The following CR2 variants were observed in gnomAD, a reference collection of about 807,000 sequenced individuals.
CR2 encodes complement C3d receptor 2, also known as complement receptor type 2.
Under a neutral mutation model 123.0 loss-of-function variants are expected in CR2, and 96 were observed. That is an observed-to-expected ratio of 0.78 (90% confidence interval 0.66 to 0.93). The LOEUF is 0.93. CR2 is among the 40% of genes least tolerant of loss of function. CR2 has a pLI of 0.00. For missense variants in CR2, 1,258 were observed against 1,361.0 expected (o/e 0.92, Z 1.19); for synonymous variants, 484 against 469.5 (o/e 1.03, Z -0.40).
At chr1:207,470,699 T>G in intron 6 of CR2, 41 bp from the exon 7 acceptor site, 1 of 1,595,404 alleles carries the variant, frequency 6.3e-7, no homozygotes, top group Non-Finnish European at 8.6e-7. Context: ...CTGTGGTTGT[T>G]TACTTAAGCA....
At chr1:207,471,683 A>AGGCACG (rs1658286032) in intron 9 of CR2, among the ~76,000 whole-genome samples, 184 bp downstream of exon 9, 2 of 152,208 alleles carry the variant, frequency 1.3e-5, no homozygotes, top group Non-Finnish European at 2.9e-5. Flanking sequence ...TTCATCAATA[A>AGGCACG]CTTAAATCTA....
intron 16 of CR2, among the ~76,000 whole-genome samples, chr1:207,478,845 ATTG>A (rs1658520637): frequency 6.6e-6 from 1 of 151,932 alleles, no homozygotes; most frequent in Non-Finnish European, 1.5e-5. Flanking sequence ...AGTTGAGTAT[ATTG>A]TTTTTGTCAT....
chr1:207,470,542 AAACAACAAC>A (rs747380769), intron 6 of CR2, among the ~76,000 whole-genome samples, 189 bp from the exon 7 acceptor site: 15 of 151,954 alleles, frequency 9.9e-5, no homozygotes, highest in Admixed American at 9.8e-4. Flanking sequence ...TCTGTGCAGA[AAACAACAAC>A]AACAACAACA....
chr1:207,474,118 G>GT (rs1273253181), intron 12 of CR2, 123 bp from the exon 13 acceptor site: 1 of 978,718 alleles, frequency 1.0e-6, no homozygotes, highest in Admixed American at 1.9e-5. Context: ...AAAAAAAGTA[G>GT]TTTTTTACTA....
chr1:207,456,345 G>A (rs937349688), intron 1 of CR2, among the ~76,000 whole-genome samples: 3 of 152,246 alleles, frequency 2.0e-5, no homozygotes, highest in Middle Eastern at 3.4e-3. Context: ...GCACTTGAGT[G>A]TGCTTAATAA....
chr1:207,485,385 T>A, intron 18 of CR2, 79 bp from the exon 19 acceptor site: 1 of 891,494 alleles, frequency 1.1e-6, no homozygotes, highest in Admixed American at 1.8e-5. Context: ...TGTTGGGAAT[T>A]ATGGAAAGCA....
intron 14 of CR2, 128 bp from the exon 15 acceptor site, chr1:207,476,106 G>A (rs892200775): frequency 1.2e-6 from 1 of 812,182 alleles, no homozygotes; most frequent in African/African-American, 1.7e-5. Flanking sequence ...TGGAATGAAT[G>A]AATGTTTTTG....
Position 207,474,421 on chromosome 1 carries a change from C to T in CR2, c.2323+98C>T, listed in dbSNP as rs537589213. The stretch of plus-strand genomic sequence containing the variant: ...CTACTGCTGCTTCAGCAGTCTTAGG[C>T]GTCTCCCTCATTGGAGGTTAGATAA... On this transcript the variant is annotated intron_variant, in intron 13 of 19. Coordinates refer to ENST00000367057, the MANE Select transcript of CR2 (RefSeq NM_001006658.3). 1.8e-5 allele frequency: 16 copies of T among 905,378 alleles called. No individual in the cohort carries two copies. The Admixed American group carries it at 2.2e-4, about 12-fold the overall frequency. 56.1% of individuals were successfully genotyped at this position (905,378 alleles called of 1,614,324 possible).
intron 1 of CR2, among the ~76,000 whole-genome samples, chr1:207,464,665 A>T (rs901181377): frequency 6.6e-5 from 10 of 152,208 alleles, no homozygotes; most frequent in Non-Finnish European, 1.2e-4. Flanking sequence ...TCATTTTTTT[A>T]AAATGATACA....
rs201791442 is a variant in CR2, at chr1:207,469,707, C to T, written c.830C>T (p.Pro277Leu). Residue 277 changes from proline to leucine, a missense_variant, in exon 6 of 20, where the codon CCA (proline) becomes CTA (leucine). Coordinates refer to ENST00000367057, the MANE Select transcript of CR2 (RefSeq NM_001006658.3). ...KMPVCEEIFC[P>L]SPPPILNGRH... ...GCAATTCCCCTAGAAATTTTTTGCCCATCACCTCCCCCTATTCTCAATGGA... is the reference window on the plus strand; with the variant it reads ...GCAATTCCCCTAGAAATTTTTTGCCTATCACCTCCCCCTATTCTCAATGGA... The T allele has an allele frequency of 4.8e-5, 78 of 1,613,724 alleles. No homozygotes were observed. Among genetic ancestry groups the T allele is most frequent in the Non-Finnish European group, 6.3e-5 (74 of 1,179,796 alleles).
intron 6 of CR2, 69 bp from the exon 7 acceptor site, chr1:207,470,671 C>A (rs1658244560): frequency 6.8e-7 from 1 of 1,475,142 alleles, no homozygotes; most frequent in African/African-American, 1.4e-5. Flanking sequence ...ATATCAATTT[C>A]TTTGGCTCAG....
chr1:207,472,348 A>G (rs1291943037), intron 9 of CR2, among the ~76,000 whole-genome samples: 1 of 152,182 alleles, frequency 6.6e-6, no homozygotes, highest in Non-Finnish European at 1.5e-5. Flanking sequence ...GGATGAGGAA[A>G]CTGCCTATCA....
rs1026137249 is a variant in CR2 at position 207,454,762 on chromosome 1, T to A, written c.58+286T>A. The A allele has an allele frequency of 3.0e-5, 11 of 368,230 alleles. No homozygotes were observed. The highest frequency in any genetic ancestry group is 1.4e-3 in the Middle Eastern group (2 of 1,380). 22.8% of individuals were successfully genotyped at this position (368,230 alleles called of 1,614,324 possible). On this transcript the variant is annotated intron_variant, in intron 1 of 19. Transcript: ENST00000367057. The surrounding 1 kb of genome is among the most constrained non-coding windows in gnomAD (Gnocchi z 4.3). ...CGGCGTGCGGGTGCTCGCGGTCTCC[T>A]GCCGGGCTCCCCGCCCCCAGGATTC...
At chr1:207,475,511 C>T (rs996407188) in intron 14 of CR2, among the ~76,000 whole-genome samples, 7 of 152,168 alleles carry the variant, frequency 4.6e-5, no homozygotes, top group Non-Finnish European at 8.8e-5. Context: ...AATGCACATA[C>T]ATTTTTGGCA....
chr1:207,468,160 T>C (rs1658156482), intron 2 of CR2: 1 of 289,140 alleles, frequency 3.5e-6, no homozygotes, highest in Admixed American at 5.0e-5. Flanking sequence ...TTTAAAAGAC[T>C]AGGTTGAAAG....
At chr1:207,478,155 G>A in intron 16 of CR2, 85 bp downstream of exon 16, 1 of 1,390,506 alleles carries the variant, frequency 7.2e-7, no homozygotes, top group Non-Finnish European at 1.0e-6. Flanking sequence ...GAGAGTCCTG[G>A]GTTTTAAATT....
intron 5 of CR2, 85 bp from the exon 6 acceptor site, chr1:207,469,610 G>A (rs1658203583): frequency 8.2e-7 from 1 of 1,221,884 alleles, no homozygotes; most frequent in Admixed American, 1.7e-5. Flanking sequence ...CACTGTCCTA[G>A]GATAGTGGTA....
In CR2 at chr1:207,475,153, C is replaced by T. The variant is rs199700397; in HGVS notation, c.2653C>T (p.Arg885Cys). ...CNPGFIMNGS[R>C]VIRCHTDNTW... ...TCCTGGCTTCATCATGAATGGTAGT[C>T]GCGTGATTAGGTGTCATACTGATAA... is the stretch of plus-strand genomic sequence containing the variant. The change falls in exon 14 of 20, where the codon CGC becomes TGC. Residue 885 changes from arginine (R) to cysteine (C), a missense_variant. By Grantham distance (180) the Arg-to-Cys change is radical. Coordinates refer to ENST00000367057, the MANE Select transcript of CR2 (RefSeq NM_001006658.3). 6.2e-6 allele frequency: 10 copies of T among 1,612,642 alleles called. No homozygotes were observed. Among genetic ancestry groups the T allele is most frequent in the East Asian group, 2.2e-5 (1 of 44,884 alleles).
Position 207,474,991 on chromosome 1 carries a change from TG to T in CR2, c.2493del (p.Trp831Ter). The T allele has an allele frequency of 6.2e-7, 1 of 1,614,154 alleles. No homozygotes were observed. Among genetic ancestry groups the T allele is most frequent in the Non-Finnish European group, 8.5e-7 (1 of 1,180,000 alleles). On this transcript the variant is annotated frameshift_variant, in exon 14 of 20. Coordinates refer to ENST00000367057, the MANE Select transcript of CR2 (RefSeq NM_001006658.3). LOFTEE classifies it high-confidence loss of function. The part of the protein sequence containing the change: ...CRSDSKGHGS[W>X]SGPSPQCLRS... ...AAGTGATTCTAAAGGACATGGATCT[TG>T]GAGCGGGCCTTCCCCACAGTGCTTA...
Sources: allele counts gnomAD v4.1 joint callset (sites outside exome capture counted in the v4.1 genomes callset), GRCh38; gene constraint gnomAD v4.1.1; non-coding constraint Gnocchi (gnomAD v3.1); transcripts MANE v1.5; gene names NCBI Gene and HGNC (gene_info 2026-07-23, HGNC 2026-07-21).